The following CDYL2 variants were observed in gnomAD, a reference collection of about 807,000 sequenced individuals.
CDYL2 encodes the protein chromodomain Y like 2.
CDYL2 carries 23 observed loss-of-function variants against 49.4 expected under a neutral mutation model. That is an observed-to-expected ratio of 0.47 (90% CI 0.34 to 0.66). The LOEUF (loss-of-function observed/expected upper bound fraction) is 0.66, where lower values mean the gene tolerates loss of function less well. Ranked by LOEUF, CDYL2 falls within the 30% of genes least tolerant of loss-of-function variation. The probability of loss-of-function intolerance (pLI) is 0.01; values close to 1 mark genes in which losing one functional copy is unlikely to be tolerated. For synonymous variants in CDYL2, 360 were observed against 268.8 expected, an observed-to-expected ratio of 1.34 and a Z score of -3.32; for missense variants, 678 against 656.4, an observed-to-expected ratio of 1.03 and a Z score of -0.36.
rs62051680 is a variant in CDYL2, at chr16:80,728,746, G to A, written c.25-43617C>T. On this transcript the variant is annotated intron_variant, in intron 1 of 6. Coordinates refer to ENST00000570137, the MANE Select transcript of CDYL2 (RefSeq NM_152342.4). ...GAAGCCCATCAGACTAACAGCGAGC[G>A]GATCTCTCGGCAGAAACTCTACAAG... Among the ~76,000 whole-genome samples, 81 of 152,254 alleles carry A rather than the reference G, an allele frequency of 5.3e-4. No individual in the cohort carries two copies. In the South Asian group the frequency reaches 6.0e-3, roughly 11 times the overall value.
rs568512541 is a variant in CDYL2, at chr16:80,760,059, G to T, written c.24+44091C>A. ...ATTTTAAGAAAATGGCGAAAATTTA[G>T]ATTTATAAATTGGGTGTCACTGTTC... On this transcript the variant is annotated intron_variant, in intron 1 of 6. Coordinates refer to ENST00000570137, the MANE Select transcript of CDYL2 (RefSeq NM_152342.4). 1.6e-4 allele frequency among the ~76,000 whole-genome samples: 24 copies of T among 152,282 alleles called. No homozygotes were observed. The South Asian group carries it at 5.0e-3, about 32-fold the overall frequency.
chr16:80,670,559 C>A (rs1269529403), intron 2 of CDYL2, among the ~76,000 whole-genome samples: 1 of 152,136 alleles, frequency 6.6e-6, no homozygotes, highest in African/African-American at 2.4e-5. Flanking sequence ...TGGACTAATA[C>A]AAGCAGCTAC....
In CDYL2 at chr16:80,602,838, G is replaced by A. The variant is rs1597116090; in HGVS notation, c.*1550C>T. On this transcript the variant is annotated 3_prime_UTR_variant, in exon 7 of 7. Transcript: ENST00000570137. ...AATCTGAGAATCTAGCTTTTTCTGG[G>A]TGCTTGACCCATGGTTTAAACCTCA... The A allele has an allele frequency of 6.6e-6, 1 of 152,164 alleles. No homozygotes were observed. The highest frequency in any genetic ancestry group is 2.4e-5 in the African/African-American group (1 of 41,428). The allele number at this position is 152,164 out of a possible 1,614,324, so 9.4% of individuals were successfully genotyped here.
intron 1 of CDYL2, among the ~76,000 whole-genome samples, chr16:80,753,430 G>A (rs1050517274): frequency 3.9e-5 from 6 of 152,154 alleles, no homozygotes; most frequent in Admixed American, 1.3e-4. Flanking sequence ...CCAACATGGA[G>A]AAACCCCATC....
chr16:80,659,430 T>C (rs963459308), intron 2 of CDYL2, among the ~76,000 whole-genome samples: 1 of 152,136 alleles, frequency 6.6e-6, no homozygotes, highest in Non-Finnish European at 1.5e-5. Context: ...AATAAAAGTA[T>C]TGCATCAACG....
intron 1 of CDYL2, among the ~76,000 whole-genome samples, chr16:80,784,996 T>A (rs1355171737): frequency 6.6e-6 from 1 of 151,986 alleles, no homozygotes; most frequent in Non-Finnish European, 1.5e-5. Context: ...GTCAGTAAGT[T>A]TGGTACACAG....
At chr16:80,779,647 A>T (rs1429109152) in intron 1 of CDYL2, among the ~76,000 whole-genome samples, 1 of 152,166 alleles carries the variant, frequency 6.6e-6, no homozygotes, top group Non-Finnish European at 1.5e-5. Context: ...GTGATAAAAT[A>T]TATGGTACAG....
intron 1 of CDYL2, among the ~76,000 whole-genome samples, chr16:80,726,498 TC>T: frequency 6.6e-6 from 1 of 152,360 alleles, no homozygotes; most frequent in Non-Finnish European, 1.5e-5. Flanking sequence ...AAAAATTTAA[TC>T]CCAAGTACAA....
rs535315716 is a variant in CDYL2, at chr16:80,710,149, G to A, written c.25-25020C>T. Among the ~76,000 whole-genome samples, 11 of 152,102 alleles carry A rather than the reference G, an allele frequency of 7.2e-5. No homozygotes were observed. In the South Asian group the frequency reaches 1.5e-3, roughly 20 times the overall value. On this transcript the variant is annotated intron_variant, in intron 1 of 6. Transcript: ENST00000570137. ...TCGCCATGTTGGCCAGGCTGGTCTC[G>A]AACTCCTGACCTCGTGATCCTCCCG...
intron 1 of CDYL2, among the ~76,000 whole-genome samples, chr16:80,760,462 C>T (rs1025786044): frequency 8.5e-5 from 13 of 152,106 alleles, no homozygotes; most frequent in African/African-American, 2.4e-4. Flanking sequence ...CGTAATTGTA[C>T]ATTTTAAAAT....
intron 1 of CDYL2, among the ~76,000 whole-genome samples, chr16:80,801,946 G>C (rs1030974925): frequency 2.0e-5 from 3 of 152,120 alleles, no homozygotes; most frequent in African/African-American, 7.2e-5. Flanking sequence ...AGCCCTTTTA[G>C]TAATGACTAT....
At chr16:80,618,418 G>A (rs1016070425) in intron 4 of CDYL2, among the ~76,000 whole-genome samples, 1 of 152,236 alleles carries the variant, frequency 6.6e-6, no homozygotes, top group African/African-American at 2.4e-5. Context: ...TATGGGGACA[G>A]GAGAAGAGGT....
intron 1 of CDYL2, among the ~76,000 whole-genome samples, chr16:80,721,178 G>A (rs773818043): frequency 1.3e-5 from 2 of 152,120 alleles, no homozygotes; most frequent in African/African-American, 2.4e-5. Flanking sequence ...GAATAAGAGT[G>A]CTAAGAAACT....
intron 2 of CDYL2, among the ~76,000 whole-genome samples, chr16:80,681,781 G>T: frequency 6.6e-6 from 1 of 152,198 alleles, no homozygotes; most frequent in East Asian, 1.9e-4. Flanking sequence ...TCTCAGCATG[G>T]GGCCAGAGGC....
intron 1 of CDYL2, among the ~76,000 whole-genome samples, chr16:80,784,932 A>G (rs969537378): frequency 5.9e-5 from 9 of 152,202 alleles, no homozygotes; most frequent in African/African-American, 2.2e-4. Flanking sequence ...GGGCCAGAAG[A>G]GACAGCATGA....
At chr16:80,678,350 G>T (rs969490760) in intron 2 of CDYL2, among the ~76,000 whole-genome samples, 1 of 152,034 alleles carries the variant, frequency 6.6e-6, no homozygotes, top group Non-Finnish European at 1.5e-5. Context: ...GAAAATTTTC[G>T]CAACCTACTC....
chr16:80,662,119 G>A (rs1473601327), intron 2 of CDYL2, among the ~76,000 whole-genome samples: 4 of 152,100 alleles, frequency 2.6e-5, no homozygotes, highest in Non-Finnish European at 4.4e-5. Context: ...GGCCTCATAC[G>A]TGAAAACACT....
chr16:80,601,517 G>C lies in CDYL2; in HGVS notation c.*2871C>G, dbSNP rs1906082881. ...GAGAGAGGGGAGAAAGGATCCCATA[G>C]ACAGAGAGGGGGCCCTGGGGTGGAA... On this transcript the variant is annotated 3_prime_UTR_variant, in exon 7 of 7. Transcript: ENST00000570137. 6.6e-6 allele frequency: 1 copy of C among 152,200 alleles called. No homozygotes were observed. Among genetic ancestry groups the C allele is most frequent in the African/African-American group, 2.4e-5 (1 of 41,430 alleles). 9.4% of individuals were successfully genotyped at this position (152,200 alleles called of 1,614,324 possible).
At chr16:80,707,337 G>A (rs992637367) in intron 1 of CDYL2, among the ~76,000 whole-genome samples, 2 of 151,984 alleles carry the variant, frequency 1.3e-5, no homozygotes, top group Non-Finnish European at 2.9e-5. Context: ...GGGCTGGCGT[G>A]TGTCTGTCCT....
Sources: gnomAD v4.1 joint callset for allele counts (sites outside exome capture counted in the v4.1 genomes callset) on GRCh38, gnomAD v4.1.1 for gene constraint, MANE v1.5 for transcripts, NCBI Gene and HGNC (gene_info 2026-07-23, HGNC 2026-07-21) for gene names.